The following FHIT variants were observed in gnomAD, a reference collection of about 807,000 sequenced individuals.
The protein encoded by FHIT is fragile histidine triad diadenosine triphosphatase.
Under a neutral mutation model 17.9 loss-of-function variants are expected in FHIT, and 19 were observed. That is an observed-to-expected ratio of 1.06 (90% confidence interval 0.74 to 1.56). The LOEUF (loss-of-function observed/expected upper bound fraction) is 1.56, where lower values mean the gene tolerates loss of function less well. Ranked by LOEUF, FHIT falls within the 40% of genes most tolerant of loss-of-function variation. The pLI, the probability that FHIT is intolerant of heterozygous loss-of-function variation, is 0.00. For synonymous variants in FHIT, 81 were observed against 69.7 expected, an observed-to-expected ratio of 1.16 and a Z score of -0.81; for missense variants, 248 against 189.2, an observed-to-expected ratio of 1.31 and a Z score of -1.82.
At chr3:60,834,600 T>G (rs1553743415) in intron 3 of FHIT, among the ~76,000 whole-genome samples, 1 of 152,084 alleles carries the variant, frequency 6.6e-6, no homozygotes, top group African/African-American at 2.4e-5. Context: ...GGCTCACACC[T>G]GTAATACCAG....
chr3:60,821,068 C>T (rs561666093), intron 4 of FHIT, among the ~76,000 whole-genome samples: 4 of 151,842 alleles, frequency 2.6e-5, no homozygotes, highest in African/African-American at 9.7e-5. Context: ...CTCCACCTCC[C>T]AGGTTCAAGT....
intron 4 of FHIT, among the ~76,000 whole-genome samples, chr3:60,686,539 T>TC (rs1485402844): frequency 6.6e-6 from 1 of 152,028 alleles, no homozygotes; most frequent in Non-Finnish European, 1.5e-5. Flanking sequence ...GTTGCTTTTT[T>TC]TTTAATCCTT....
At chr3:60,057,550 T>C (rs1463411758) in intron 5 of FHIT, among the ~76,000 whole-genome samples, 2 of 152,228 alleles carry the variant, frequency 1.3e-5, no homozygotes, top group African/African-American at 4.8e-5. Flanking sequence ...CAAAGGATGA[T>C]ATTGTGATTC....
chr3:59,953,510 C>T (rs1279955443), intron 7 of FHIT, among the ~76,000 whole-genome samples: 2 of 152,172 alleles, frequency 1.3e-5, no homozygotes, highest in African/African-American at 4.8e-5. Context: ...CAGACGCCTA[C>T]CTTGGTCGAA....
intron 2 of FHIT, among the ~76,000 whole-genome samples, chr3:61,048,261 A>T (rs1452276743): frequency 6.6e-6 from 1 of 152,224 alleles, no homozygotes; most frequent in Non-Finnish European, 1.5e-5. Context: ...ATCTTCCAAG[A>T]ACTTAAACAA....
chr3:59,949,663 G>A (rs1397810697), intron 7 of FHIT, among the ~76,000 whole-genome samples: 2 of 152,178 alleles, frequency 1.3e-5, no homozygotes, highest in Admixed American at 6.5e-5. Context: ...ACACACTAAC[G>A]TTTATTGAGG....
chr3:61,107,963 G>A (rs1011158471), intron 2 of FHIT, among the ~76,000 whole-genome samples: 1 of 152,170 alleles, frequency 6.6e-6, no homozygotes, highest in Non-Finnish European at 1.5e-5. Flanking sequence ...TTATACCTCC[G>A]CTTGTTATAG....
intron 4 of FHIT, among the ~76,000 whole-genome samples, chr3:60,571,036 A>C (rs1020310163): frequency 6.6e-6 from 1 of 152,030 alleles, no homozygotes; most frequent in African/African-American, 2.4e-5. Context: ...TATTAGGAAC[A>C]CTGAATAGAG....
chr3:59,977,943 G>A (rs374576118), intron 7 of FHIT, among the ~76,000 whole-genome samples: 5 of 152,094 alleles, frequency 3.3e-5, no homozygotes, highest in African/African-American at 4.8e-5. Flanking sequence ...TTTCTTAGAC[G>A]AAAGACAGTC....
At chr3:60,900,315 C>A (rs1426249398) in intron 3 of FHIT, among the ~76,000 whole-genome samples, 5 of 152,038 alleles carry the variant, frequency 3.3e-5, no homozygotes, top group Non-Finnish European at 5.9e-5. Flanking sequence ...GTCCTAGCTA[C>A]ATGGGAGGCT....
intron 3 of FHIT, among the ~76,000 whole-genome samples, chr3:61,009,150 C>T (rs1200506703): frequency 1.3e-5 from 2 of 152,166 alleles, no homozygotes; most frequent in Admixed American, 1.3e-4. Flanking sequence ...AACATAAACT[C>T]TGCCCCAGCT....
At chr3:59,825,827 A>G (rs1474059877) in intron 8 of FHIT, among the ~76,000 whole-genome samples, 1 of 152,178 alleles carries the variant, frequency 6.6e-6, no homozygotes, top group African/African-American at 2.4e-5. Context: ...AGGCCATCTG[A>G]ATTCACTGAG....
At chr3:59,749,978 G>C (rs1178616904) in intron 9 of FHIT, 1 of 224,206 alleles carries the variant, frequency 4.5e-6, no homozygotes, top group Non-Finnish European at 8.9e-6. Flanking sequence ...TGATTTGTTT[G>C]GTCTGTGCAC....
intron 5 of FHIT, among the ~76,000 whole-genome samples, chr3:60,289,203 T>A (rs912777672): frequency 6.6e-6 from 1 of 152,190 alleles, no homozygotes; most frequent in South Asian, 2.1e-4. Flanking sequence ...CCTATTAAAT[T>A]TCCTACTGTA....
intron 8 of FHIT, among the ~76,000 whole-genome samples, chr3:59,869,028 A>C (rs1702787814): frequency 6.6e-6 from 1 of 152,202 alleles, no homozygotes; most frequent in South Asian, 2.1e-4. Context: ...TACTATGACC[A>C]GTAAACCACC....
intron 4 of FHIT, among the ~76,000 whole-genome samples, chr3:60,642,707 G>A (rs1053563056): frequency 8.5e-5 from 13 of 152,266 alleles, no homozygotes; most frequent in African/African-American, 3.1e-4. Context: ...TCAGATGGGA[G>A]AGGAGTATCC....
intron 4 of FHIT, among the ~76,000 whole-genome samples, chr3:60,724,698 G>GAGTGC (rs1312110934): frequency 6.8e-5 from 10 of 146,414 alleles, no homozygotes; most frequent in Admixed American, 2.8e-4. Context: ...ACCCAGGCTG[G>GAGTGC]AGTGCAGTGA....
At chr3:60,622,530 C>G (rs2039163455) in intron 4 of FHIT, among the ~76,000 whole-genome samples, 1 of 152,088 alleles carries the variant, frequency 6.6e-6, no homozygotes, top group African/African-American at 2.4e-5. Context: ...ACAAAACAAT[C>G]AGAACTCAAA....
intron 7 of FHIT, among the ~76,000 whole-genome samples, chr3:60,007,905 T>A (rs575800842): frequency 6.6e-6 from 1 of 152,206 alleles, no homozygotes; most frequent in South Asian, 2.1e-4. Context: ...CACTTGAGGG[T>A]AGACAAATGG....
Sources: gnomAD v4.1 joint callset for allele counts (sites outside exome capture counted in the v4.1 genomes callset) on GRCh38, gnomAD v4.1.1 for gene constraint, MANE v1.5 for transcripts, NCBI Gene and HGNC (gene_info 2026-07-23, HGNC 2026-07-21) for gene names.